Variants in PLCB1 observed in about 807,000 individuals in gnomAD.
PLCB1 encodes 1-phosphatidylinositol 4,5-bisphosphate phosphodiesterase beta-1.
Under a neutral mutation model 161.8 loss-of-function variants are expected in PLCB1, and 46 were observed. The observed-to-expected ratio is 0.28, with a 90% CI of 0.22 to 0.36. The LOEUF is 0.36. Among genes scored for constraint, PLCB1 ranks in the 10% least tolerant of loss-of-function variants. The pLI, the probability that PLCB1 is intolerant of heterozygous loss-of-function variation, is 1.00. For missense variants in PLCB1, 1,016 were observed against 1,472.5 expected, an observed-to-expected ratio of 0.69 and a Z score of 5.07; for synonymous variants, 517 against 503.7, an observed-to-expected ratio of 1.03 and a Z score of -0.35.
chr20:8,265,978 G>C (rs1389653355), intron 2 of PLCB1, among the ~76,000 whole-genome samples: 1 of 152,126 alleles, frequency 6.6e-6, no homozygotes, highest in Non-Finnish European at 1.5e-5. Flanking sequence ...TAGAATCTAA[G>C]TAAGAATGCC....
intron 3 of PLCB1, among the ~76,000 whole-genome samples, chr20:8,621,743 T>C (rs1988190996): frequency 6.6e-6 from 1 of 152,220 alleles, no homozygotes; most frequent in African/African-American, 2.4e-5. Flanking sequence ...TGTAACACGG[T>C]GTGATATGGA....
At chr20:8,440,343 A>G (rs779790799) in intron 3 of PLCB1, among the ~76,000 whole-genome samples, 115 of 152,152 alleles carry the variant, frequency 7.6e-4, no homozygotes, top group Non-Finnish European at 1.1e-3. Flanking sequence ...ATAAGGATGT[A>G]TTTATTTTAT....
intron 3 of PLCB1, among the ~76,000 whole-genome samples, chr20:8,566,067 T>C (rs1986324331): frequency 6.6e-6 from 1 of 152,174 alleles, no homozygotes; most frequent in Non-Finnish European, 1.5e-5. Context: ...CTATCAATTA[T>C]ATAATTAAAG....
intron 3 of PLCB1, among the ~76,000 whole-genome samples, chr20:8,583,753 T>C (rs1230067085): frequency 1.2e-4 from 18 of 152,226 alleles, no homozygotes; most frequent in Admixed American, 1.2e-3. Context: ...TTCATTTAAC[T>C]AAGTGAGAGA....
intron 31 of PLCB1, among the ~76,000 whole-genome samples, chr20:8,877,752 A>C (rs1987831708): frequency 6.6e-6 from 1 of 152,256 alleles, no homozygotes; most frequent in Non-Finnish European, 1.5e-5. Context: ...AAGAAAAAGC[A>C]AAAGCTCTAA....
intron 9 of PLCB1, among the ~76,000 whole-genome samples, chr20:8,663,856 A>T (rs1039105675): frequency 1.3e-5 from 2 of 152,146 alleles, no homozygotes; most frequent in African/African-American, 4.8e-5. Context: ...TCTTCCAAAC[A>T]AAATGTTCAT....
At chr20:8,507,700 G>T (rs772694084) in intron 3 of PLCB1, among the ~76,000 whole-genome samples, 1 of 152,174 alleles carries the variant, frequency 6.6e-6, no homozygotes, top group Non-Finnish European at 1.5e-5. Context: ...CTTCATGGTG[G>T]TAGGCCCAGG....
chr20:8,276,803 T>G (rs577191261), intron 2 of PLCB1, among the ~76,000 whole-genome samples: 4 of 152,086 alleles, frequency 2.6e-5, no homozygotes, highest in Admixed American at 6.6e-5. Context: ...TGTAAAGGAT[T>G]CATATATACA....
At chr20:8,166,146 G>A (rs1354264643) in intron 2 of PLCB1, among the ~76,000 whole-genome samples, 3 of 151,714 alleles carry the variant, frequency 2.0e-5, no homozygotes, top group Non-Finnish European at 2.9e-5. Flanking sequence ...TTTCTTTCTC[G>A]CTTTCACTCA....
At chr20:8,217,854 T>C (rs987465797) in intron 2 of PLCB1, among the ~76,000 whole-genome samples, 1 of 152,068 alleles carries the variant, frequency 6.6e-6, no homozygotes, top group South Asian at 2.1e-4. Flanking sequence ...GCTCCTTTAC[T>C]CTCTTGTTCT....
At chr20:8,536,850 T>C (rs1336327976) in intron 3 of PLCB1, among the ~76,000 whole-genome samples, 1 of 152,132 alleles carries the variant, frequency 6.6e-6, no homozygotes, top group Admixed American at 6.6e-5. Flanking sequence ...GGGAATATCA[T>C]ACAGTGCGGC....
chr20:8,159,743 T>G (rs1300648449), intron 2 of PLCB1, among the ~76,000 whole-genome samples: 1 of 151,952 alleles, frequency 6.6e-6, no homozygotes, highest in African/African-American at 2.4e-5. Flanking sequence ...ATCCCAGCAC[T>G]TTGGGAGGCT....
chr20:8,856,407 G>A lies in PLCB1; in HGVS notation c.3424-25215G>A, dbSNP rs1987068710. Among the ~76,000 whole-genome samples the A allele has an allele frequency of 5.9e-5, 9 of 152,132 alleles. 1 individual carries two copies. The highest frequency in any genetic ancestry group is 5.9e-4 in the Admixed American group (9 of 15,276). ...GAGGCTGGTGAATCACTTGAGGCCA[G>A]GAGTTCGAGACCAGCCTGGCCAACA... On this transcript the variant is annotated intron_variant, in intron 31 of 31. Transcript: ENST00000338037.
At chr20:8,536,285 T>C (rs973906095) in intron 3 of PLCB1, among the ~76,000 whole-genome samples, 18 of 152,072 alleles carry the variant, frequency 1.2e-4, no homozygotes, top group Admixed American at 1.1e-3. Flanking sequence ...AAAAAAAAAT[T>C]TGGAAAAAAA....
intron 9 of PLCB1, among the ~76,000 whole-genome samples, chr20:8,684,241 T>TTTATTTA (rs1168800708): frequency 6.7e-6 from 1 of 148,248 alleles, no homozygotes; most frequent in East Asian, 2.0e-4. Context: ...TATTTATTTA[T>TTTATTTA]TTATTTATTT....
intron 3 of PLCB1, among the ~76,000 whole-genome samples, chr20:8,495,210 A>G (rs1256864053): frequency 6.6e-6 from 1 of 152,072 alleles, no homozygotes; most frequent in African/African-American, 2.4e-5. Flanking sequence ...TCTCATTACA[A>G]TTCTATGAAA....
At chr20:8,615,493 C>G (rs574559313) in intron 3 of PLCB1, among the ~76,000 whole-genome samples, 1 of 152,266 alleles carries the variant, frequency 6.6e-6, no homozygotes, top group South Asian at 2.1e-4. Flanking sequence ...CTACTGAATG[C>G]AACAATGCAC....
At chr20:8,559,856 CCTCT>C (rs1243697597) in intron 3 of PLCB1, among the ~76,000 whole-genome samples, 1 of 151,918 alleles carries the variant, frequency 6.6e-6, no homozygotes, top group Non-Finnish European at 1.5e-5. Flanking sequence ...GTTTAATTTA[CCTCT>C]CTGAGTTTCA....
chr20:8,548,478 ATCTT>A (rs1568503629), intron 3 of PLCB1, among the ~76,000 whole-genome samples: 1 of 109,814 alleles, frequency 9.1e-6, no homozygotes, highest in African/African-American at 4.2e-5. Flanking sequence ...TCCATCATCT[ATCTT>A]TCTATCCTTC....
Sources: gnomAD v4.1 joint callset for allele counts (sites outside exome capture counted in the v4.1 genomes callset) on GRCh38, gnomAD v4.1.1 for gene constraint, MANE v1.5 for transcripts, NCBI Gene and HGNC (gene_info 2026-07-23, HGNC 2026-07-21) for gene names.